Variants in MLLT10 observed in about 807,000 individuals in gnomAD.
MLLT10 encodes the protein protein AF-10.
Under a neutral mutation model 129.1 loss-of-function variants are expected in MLLT10, and 30 were observed. The observed-to-expected ratio is 0.23, with a 90% CI of 0.17 to 0.32. The LOEUF (loss-of-function observed/expected upper bound fraction) is 0.32. MLLT10 is among the 10% of genes least tolerant of loss of function. The pLI is 1.00. For synonymous variants in MLLT10, 490 were observed against 446.4 expected, an observed-to-expected ratio of 1.10 and a Z score of -1.23; for missense variants, 1,119 against 1,268.3, an observed-to-expected ratio of 0.88 and a Z score of 1.79.
In MLLT10 at chr10:21,735,252, G is replaced by GATAATATCTT; in HGVS notation, c.2955+20_2955+29dup. On this transcript the variant is annotated intron_variant, in intron 21 of 22. Transcript: ENST00000307729. ...CTCACACCAGTAAGTTCTTTCTTTT[G>GATAATATCTT]ATAATATCTTATTAGGAGCATGTGT... 6.4e-7 allele frequency: 1 copy of GATAATATCTT among 1,560,330 alleles called. No individual in the cohort carries two copies.
chr10:21,615,015 C>T, intron 7 of MLLT10, 91 bp downstream of exon 7: 2 of 1,020,020 alleles, frequency 2.0e-6, no homozygotes, highest in East Asian at 2.7e-5. Context: ...TATAACAGTT[C>T]CTTTTTCCTT....
intron 8 of MLLT10, among the ~76,000 whole-genome samples, chr10:21,647,100 C>T (rs1225547922): frequency 6.6e-6 from 1 of 152,140 alleles, no homozygotes; most frequent in Non-Finnish European, 1.5e-5. Flanking sequence ...TCGTGATCCG[C>T]CCACCTCGGC....
At chr10:21,722,851 C>A (rs561158860) in intron 14 of MLLT10, among the ~76,000 whole-genome samples, 8 of 152,272 alleles carry the variant, frequency 5.3e-5, no homozygotes, top group African/African-American at 1.9e-4. Flanking sequence ...TTTGGTATCT[C>A]ATCTTACCAA....
At chr10:21,536,853 C>T (rs969270907) in intron 2 of MLLT10, among the ~76,000 whole-genome samples, 24 of 152,118 alleles carry the variant, frequency 1.6e-4, no homozygotes, top group African/African-American at 5.5e-4. Flanking sequence ...GGTGCCATCT[C>T]GGCTCACCGC....
intron 3 of MLLT10, among the ~76,000 whole-genome samples, chr10:21,551,410 T>C (rs2037015839): frequency 2.0e-5 from 3 of 151,690 alleles, no homozygotes; most frequent in African/African-American, 7.3e-5. Flanking sequence ...TACTAACTTT[T>C]TTTTTGTTAC....
In MLLT10 at chr10:21,673,671, TAGA is replaced by T. The variant is rs1371189434; in HGVS notation, c.1381_1383del (p.Glu461del). 10 of 1,613,900 alleles carry T rather than the reference TAGA, an allele frequency of 6.2e-6. No individual in the cohort carries two copies. The highest frequency in any genetic ancestry group is 1.7e-5 in the Admixed American group (1 of 59,978). ...TATAAGCGGGCTCAAACTTCTGGCA[TAGA>T]AGAAGAAACTGTAAAGGAAAAGAAA... On this transcript the variant is annotated inframe_deletion, in exon 11 of 23. Coordinates refer to ENST00000307729, the MANE Select transcript of MLLT10 (RefSeq NM_001195626.3).
At chr10:21,574,134 G>T (rs1010714713) in intron 3 of MLLT10, among the ~76,000 whole-genome samples, 2 of 152,050 alleles carry the variant, frequency 1.3e-5, no homozygotes, top group Non-Finnish European at 2.9e-5. Flanking sequence ...TTTTTGGGAA[G>T]GATTTTGATA....
At chr10:21,591,991 G>A (rs1256896926) in intron 4 of MLLT10, among the ~76,000 whole-genome samples, 2 of 152,128 alleles carry the variant, frequency 1.3e-5, no homozygotes, top group Non-Finnish European at 2.9e-5. Context: ...AAAGTGTTGG[G>A]ATTACAGGCG....
chr10:21,640,133 CTG>C (rs2047842037), intron 8 of MLLT10, among the ~76,000 whole-genome samples: 1 of 147,554 alleles, frequency 6.8e-6, no homozygotes, highest in East Asian at 2.0e-4. Context: ...GACCCAGGGA[CTG>C]TGGACAAAAC....
At chr10:21,534,856 C>T (rs1219828136) in intron 2 of MLLT10, 52 bp downstream of exon 2, 3 of 1,363,156 alleles carry the variant, frequency 2.2e-6, no homozygotes, top group Non-Finnish European at 2.9e-6. Context: ...CAACGGTCAC[C>T]GCCGCCCCCA....
intron 14 of MLLT10, among the ~76,000 whole-genome samples, chr10:21,723,085 C>A (rs2057245220): frequency 6.6e-6 from 1 of 152,068 alleles, no homozygotes; most frequent in Non-Finnish European, 1.5e-5. Flanking sequence ...ATAATACTTT[C>A]ATTTATTGTA....
intron 8 of MLLT10, chr10:21,626,434 G>T (rs1439889634): frequency 3.3e-6 from 2 of 605,958 alleles, no homozygotes; most frequent in African/African-American, 3.7e-5. Context: ...GCAGGTACGT[G>T]TGCAGAACGG....
intron 13 of MLLT10, among the ~76,000 whole-genome samples, chr10:21,702,453 G>A (rs552070612): frequency 6.6e-6 from 1 of 152,320 alleles, no homozygotes; most frequent in South Asian, 2.1e-4. Flanking sequence ...TTGGTCTAAA[G>A]TCTAGTTGGA....
At chr10:21,680,437 C>G (rs1001661372) in intron 11 of MLLT10, among the ~76,000 whole-genome samples, 1 of 152,012 alleles carries the variant, frequency 6.6e-6, no homozygotes, top group East Asian at 1.9e-4. Context: ...AACTCCTGAC[C>G]TCAAGTGCCC....
At chr10:21,671,554 G>A (rs1375475103) in intron 10 of MLLT10, among the ~76,000 whole-genome samples, 2 of 152,138 alleles carry the variant, frequency 1.3e-5, no homozygotes, top group South Asian at 2.1e-4. Context: ...ATGAGGCTCA[G>A]TCAGGTGGAT....
At chr10:21,675,103 T>G (rs1276967711) in intron 11 of MLLT10, among the ~76,000 whole-genome samples, 1 of 152,216 alleles carries the variant, frequency 6.6e-6, no homozygotes, top group Non-Finnish European at 1.5e-5. Context: ...ATTTTCTCAT[T>G]TAACAACAGT....
intron 8 of MLLT10, among the ~76,000 whole-genome samples, chr10:21,645,344 T>C (rs971950210): frequency 6.6e-6 from 1 of 152,210 alleles, no homozygotes. Flanking sequence ...ATTGGGAAAA[T>C]CTGTGATGTG....
intron 3 of MLLT10, among the ~76,000 whole-genome samples, chr10:21,572,693 C>A (rs2040340315): frequency 1.3e-5 from 2 of 151,888 alleles, no homozygotes; most frequent in Admixed American, 6.6e-5. Flanking sequence ...AATCTTTGCT[C>A]ACTCCATCTC....
At chr10:21,560,954 C>G (rs1301149561) in intron 3 of MLLT10, among the ~76,000 whole-genome samples, 1 of 152,034 alleles carries the variant, frequency 6.6e-6, no homozygotes, top group Non-Finnish European at 1.5e-5. Flanking sequence ...TATTCTTTAT[C>G]TACTTCTAGA....
Sources: allele counts gnomAD v4.1 joint callset (sites outside exome capture counted in the v4.1 genomes callset), GRCh38; gene constraint gnomAD v4.1.1; transcripts MANE v1.5; gene names NCBI Gene and HGNC (gene_info 2026-07-23, HGNC 2026-07-21).